MICB: variants seen among roughly 807,000 people sequenced by gnomAD.
MICB encodes the protein MHC class I antigen-related protein B.
Under a neutral mutation model 34.3 loss-of-function variants are expected in MICB, and 27 were observed. That is an observed-to-expected ratio of 0.79 (90% CI 0.58 to 1.08). The LOEUF (loss-of-function observed/expected upper bound fraction) is 1.08. MICB is among the 50% of genes least tolerant of loss of function. MICB has a pLI of 0.00. For synonymous variants in MICB, 153 were observed against 187.4 expected, an observed-to-expected ratio of 0.82 and a Z score of 1.50; for missense variants, 426 against 483.1, an observed-to-expected ratio of 0.88 and a Z score of 1.11.
upstream of MICB, among the ~76,000 whole-genome samples, chr6:31,495,279 G>A (rs1764595750): frequency 6.6e-6 from 1 of 151,942 alleles, no homozygotes; most frequent in African/African-American, 2.4e-5. Context: ...TTTTTTGGAG[G>A]CGAGCTGAAT....
At chr6:31,498,067 C>A, upstream of MICB, 1 of 536,340 alleles carries the variant, frequency 1.9e-6, no homozygotes. Context: ...AAGTTCCGGG[C>A]CTCAGTTTTC....
chr6:31,509,023 GA>G (rs1765514478), intron 5 of MICB, among the ~76,000 whole-genome samples: 1 of 152,126 alleles, frequency 6.6e-6, no homozygotes, highest in Non-Finnish European at 1.5e-5. Flanking sequence ...GGCCTGGGTG[GA>G]ATCCCTGCTA....
rs769755450 is a variant in MICB at position 31,505,722 on chromosome 6, A to G, written c.176A>G (p.Tyr59Cys). ...GHLDGQPFLR[Y>C]DRQKRRAKPQ... ...CTGGATGGTCAGCCCTTCCTGCGCT[A>G]TGACAGGCAGAAACGCAGGGCAAAG... The change falls in exon 2 of 6, where the codon TAT becomes TGT. Residue 59 changes from tyrosine to cysteine, a missense_variant. By Grantham distance (194) the Tyr-to-Cys change is radical (BLOSUM62 -2). Coordinates refer to ENST00000252229, the MANE Select transcript of MICB (RefSeq NM_005931.5). 5.6e-6 allele frequency: 9 copies of G among 1,613,150 alleles called. No homozygotes were observed. The highest frequency in any genetic ancestry group is 7.6e-6 in the Non-Finnish European group (9 of 1,180,038).
chr6:31,498,317 G>C, intron 1 of MICB, 54 bp downstream of exon 1: 2 of 1,448,918 alleles, frequency 1.4e-6, no homozygotes, highest in Non-Finnish European at 1.8e-6. Context: ...GGGCGTTTCC[G>C]GGGGTCCGGG....
intron 1 of MICB, among the ~76,000 whole-genome samples, chr6:31,505,296 C>G (rs1461032621): frequency 6.8e-6 from 1 of 146,710 alleles, no homozygotes; most frequent in Non-Finnish European, 1.5e-5. Context: ...CCTTCCAACA[C>G]TGCCTTCATG....
Position 31,507,295 on chromosome 6 carries a change from C to T in MICB, c.887C>T (p.Pro296Leu). 6.2e-7 allele frequency: 1 copy of T among 1,610,564 alleles called. No homozygotes were observed. The highest frequency in any genetic ancestry group is 1.3e-5 in the African/African-American group (1 of 74,918). The change falls in exon 4 of 6, where the codon CCC becomes CTC. Residue 296 changes from proline (P) to leucine (L), a missense_variant. Physicochemically the swap from Pro to Leu is moderately conservative, Grantham distance 98. Coordinates refer to ENST00000252229, the MANE Select transcript of MICB (RefSeq NM_005931.5). This position sits in a 1 kb window ranked among gnomAD's most constrained non-coding sequence, Gnocchi z 6.0. ...HSGNHGTHPV[P>L]SGKALVLQSQ... ...GGGAATCACGGCACTCACCCTGTGC[C>T]CTCTGGTGAGCCTGGGGTGACCCTG...
chr6:31,503,062 T>C (rs1735244151), intron 1 of MICB, among the ~76,000 whole-genome samples: 2 of 152,260 alleles, frequency 1.3e-5, no homozygotes, highest in Admixed American at 1.3e-4. Context: ...TGTGTATGCA[T>C]ACCTGGAATA....
chr6:31,508,811 T>A (rs1395357579), intron 5 of MICB, among the ~76,000 whole-genome samples: 1 of 152,208 alleles, frequency 6.6e-6, no homozygotes, highest in African/African-American at 2.4e-5. Context: ...TTAATAGGAT[T>A]TCCTCTAATA....
chr6:31,498,900 T>C (rs1016283613), intron 1 of MICB, among the ~76,000 whole-genome samples: 8 of 152,138 alleles, frequency 5.3e-5, no homozygotes, highest in African/African-American at 1.4e-4. Flanking sequence ...GGCCCCTGGG[T>C]TCCCGGGCTG....
At position 31,507,652 on chromosome 6, in the gene MICB, TGG is replaced by T; in HGVS notation, c.1024+124_1024+125del. The T allele has an allele frequency of 8.2e-7, 1 of 1,214,906 alleles. No individual in the cohort carries two copies. Among genetic ancestry groups the T allele is most frequent in the Non-Finnish European group, 1.2e-6 (1 of 855,038 alleles). 75.3% of individuals were successfully genotyped at this position (1,214,906 alleles called of 1,614,324 possible). ...GGCTGCTGGGACAGGGGATGGAAGCTGGGGTATTTGGGAGGGGAATGGGAGCT... is the reference window on the plus strand; with the variant it reads ...GGCTGCTGGGACAGGGGATGGAAGCTGGTATTTGGGAGGGGAATGGGAGCT... On this transcript the variant is annotated intron_variant, in intron 5 of 5. Coordinates refer to ENST00000252229, the MANE Select transcript of MICB (RefSeq NM_005931.5). This position sits in a 1 kb window ranked among gnomAD's most constrained non-coding sequence, Gnocchi z 6.0.
intron 1 of MICB, among the ~76,000 whole-genome samples, chr6:31,499,555 G>T (rs957815151): frequency 6.6e-6 from 1 of 151,778 alleles, no homozygotes; most frequent in African/African-American, 2.4e-5. Context: ...GTCCGGGGGG[G>T]TCTTCCCTCC....
chr6:31,507,503 G>T lies in MICB; in HGVS notation c.996G>T (p.Lys332Asn), dbSNP rs1765423819. The T allele has an allele frequency of 6.2e-7, 1 of 1,614,212 alleles. No individual in the cohort carries two copies. The highest frequency in any genetic ancestry group is 8.5e-7 in the Non-Finnish European group (1 of 1,180,030). The change falls in exon 5 of 6, where the codon AAG becomes AAT. Residue 332 changes from lysine (K) to asparagine (N), a missense_variant. Physicochemically the swap from Lys to Asn is moderately conservative, Grantham distance 94. Coordinates refer to ENST00000252229, the MANE Select transcript of MICB (RefSeq NM_005931.5). This position sits in a 1 kb window ranked among gnomAD's most constrained non-coding sequence, Gnocchi z 6.0. ...IIIILCVPCCKKKTSAAEGPE... is the reference protein window; with the variant it reads ...IIIILCVPCCNKKTSAAEGPE... ...TTATTCTCTGTGTCCCTTGTTGCAAGAAGAAAACATCAGCGGCAGAGGGTC... is the reference window on the plus strand; with the variant it reads ...TTATTCTCTGTGTCCCTTGTTGCAATAAGAAAACATCAGCGGCAGAGGGTC...
In MICB at chr6:31,507,239, G is replaced by T; in HGVS notation, c.831G>T (p.Glu277Asp). 6.2e-7 allele frequency: 1 copy of T among 1,614,140 alleles called. No homozygotes were observed. Among genetic ancestry groups the T allele is most frequent in the Non-Finnish European group, 8.5e-7 (1 of 1,180,020 alleles). The change falls in exon 4 of 6, where the codon GAG (glutamate) becomes GAT (aspartate). Residue 277 changes from glutamate (E) to aspartate (D), a missense_variant. Transcript: ENST00000252229. This position sits in a 1 kb window ranked among gnomAD's most constrained non-coding sequence, Gnocchi z 6.0. Reference protein sequence around the residue: ...WVATRIRQGEEQRFTCYMEHS... With the variant: ...WVATRIRQGEDQRFTCYMEHS... Reference sequence around the variant, plus strand: ...CCACCAGGATTCGCCAAGGAGAGGAGCAGAGGTTCACCTGCTACATGGAAC... The same window carrying T: ...CCACCAGGATTCGCCAAGGAGAGGATCAGAGGTTCACCTGCTACATGGAAC...
At chr6:31,504,404 C>T (rs868386091) in intron 1 of MICB, among the ~76,000 whole-genome samples, 2 of 151,460 alleles carry the variant, frequency 1.3e-5, no homozygotes, top group African/African-American at 2.4e-5. Flanking sequence ...GGACTACAGG[C>T]GCCCGCCACC....
At chr6:31,498,108 G>A (rs904956626), upstream of MICB, 5 of 1,152,526 alleles carry the variant, frequency 4.3e-6, no homozygotes, top group Non-Finnish European at 6.1e-6. Context: ...GCGGGGCGCA[G>A]GTGACTAAAT....
chr6:31,501,955 T>C (rs560433039), intron 1 of MICB, among the ~76,000 whole-genome samples: 13 of 152,360 alleles, frequency 8.5e-5, no homozygotes, highest in African/African-American at 3.1e-4. Context: ...ATTGTTTTTC[T>C]ATTTCTGTGA....
intron 1 of MICB, among the ~76,000 whole-genome samples, chr6:31,503,986 T>TGTGTGTGA (rs1371417972): frequency 1.4e-5 from 2 of 147,776 alleles, no homozygotes; most frequent in East Asian, 2.0e-4. Context: ...TGTGTGTGTG[T>TGTGTGTGA]GATAATAGCC....
rs776407589 is a variant in MICB at position 31,507,196 on chromosome 6, C to A, written c.788C>A (p.Thr263Asn). ...GATGTCCTGCCTGATGGGAATGGAACCTACCAGACCTGGGTGGCCACCAGG... is the reference window on the plus strand; with the variant it reads ...GATGTCCTGCCTGATGGGAATGGAAACTACCAGACCTGGGTGGCCACCAGG... The part of the protein sequence containing the change: ...WGDVLPDGNG[T>N]YQTWVATRIR... Residue 263 changes from threonine to asparagine, a missense_variant, in exon 4 of 6, where the codon ACC (threonine) becomes AAC (asparagine). Transcript: ENST00000252229. This position sits in a 1 kb window ranked among gnomAD's most constrained non-coding sequence, Gnocchi z 6.0. 6.2e-7 allele frequency: 1 copy of A among 1,614,098 alleles called. No homozygotes were observed. Among genetic ancestry groups the A allele is most frequent in the Non-Finnish European group, 8.5e-7 (1 of 1,180,018 alleles).
rs1461544040 is a variant in MICB, at chr6:31,505,740, G to C, written c.194G>C (p.Arg65Thr). 6.2e-7 allele frequency: 1 copy of C among 1,613,196 alleles called. No individual in the cohort carries two copies. The highest frequency in any genetic ancestry group is 2.2e-5 in the East Asian group (1 of 44,884). ...PFLRYDRQKR[R>T]AKPQGQWAEN... ...CTGCGCTATGACAGGCAGAAACGCA[G>C]GGCAAAGCCCCAGGGACAGTGGGCA... The change falls in exon 2 of 6, where the codon AGG (arginine) becomes ACG (threonine). Residue 65 changes from arginine (R) to threonine (T), a missense_variant. Transcript: ENST00000252229.
Sources: allele counts gnomAD v4.1 joint callset (sites outside exome capture counted in the v4.1 genomes callset), GRCh38; gene constraint gnomAD v4.1.1; non-coding constraint Gnocchi (gnomAD v3.1); transcripts MANE v1.5; gene names NCBI Gene and HGNC (gene_info 2026-07-23, HGNC 2026-07-21).